Variants in ATG14 observed in about 807,000 individuals in gnomAD.
The protein encoded by ATG14 is autophagy related 14, also known as beclin 1-associated autophagy-related key regulator.
ATG14 carries 35 observed loss-of-function variants against 60.4 expected under a neutral mutation model. That is an observed-to-expected ratio of 0.58 (90% CI 0.44 to 0.77). ATG14 has a LOEUF of 0.77. Among genes scored for constraint, ATG14 ranks in the 30% least tolerant of loss-of-function variants. ATG14 has a pLI of 0.00. For synonymous variants in ATG14, 234 were observed against 228.8 expected, an observed-to-expected ratio of 1.02 and a Z score of -0.21; for missense variants, 647 against 626.3, an observed-to-expected ratio of 1.03 and a Z score of -0.35.
rs758907223 is a variant in ATG14 at position 55,395,985 on chromosome 14, G to C, written c.285-3C>G. On this transcript the variant is annotated splice_polypyrimidine_tract_variant and splice_region_variant and intron_variant, in intron 2 of 9. Transcript: ENST00000247178. ...TTCCTTCCATAGCTTTTAACACTCTGTGAGGAAAAGAGACAGAAAATAAGC... is the reference window on the plus strand; with the variant it reads ...TTCCTTCCATAGCTTTTAACACTCTCTGAGGAAAAGAGACAGAAAATAAGC... 1 of 1,580,214 alleles carries C rather than the reference G, an allele frequency of 6.3e-7. No homozygotes were observed. Among genetic ancestry groups the C allele is most frequent in the Admixed American group, 1.8e-5 (1 of 54,560 alleles).
chr14:55,381,880 T>C, intron 6 of ATG14, 82 bp downstream of exon 6: 3 of 1,225,436 alleles, frequency 2.4e-6, no homozygotes, highest in Non-Finnish European at 3.5e-6. Context: ...AATGGTTCAC[T>C]TGAAAGCTCT....
chr14:55,384,576 T>G (rs1378456871), intron 5 of ATG14, among the ~76,000 whole-genome samples: 2 of 152,234 alleles, frequency 1.3e-5, no homozygotes, highest in East Asian at 1.9e-4. Context: ...ATTTGCCAAC[T>G]CTTACTAATG....
chr14:55,404,274 A>G (rs927108931), intron 1 of ATG14, among the ~76,000 whole-genome samples: 40 of 152,176 alleles, frequency 2.6e-4, no homozygotes, highest in African/African-American at 8.7e-4. Flanking sequence ...CAATTTTACT[A>G]AAAAGACACT....
At chr14:55,370,829 C>T (rs1352636233) in intron 9 of ATG14, among the ~76,000 whole-genome samples, 4 of 151,996 alleles carry the variant, frequency 2.6e-5, no homozygotes, top group East Asian at 1.9e-4. Context: ...TTAGTAGAGA[C>T]GGGGTTTCAC....
chr14:55,403,543 C>A (rs1016565601), intron 1 of ATG14, among the ~76,000 whole-genome samples: 1 of 149,222 alleles, frequency 6.7e-6, no homozygotes, highest in African/African-American at 2.5e-5. Flanking sequence ...CATATATAAT[C>A]TTTTTTTTTT....
intron 6 of ATG14, 29 bp from the exon 7 acceptor site, chr14:55,380,719 A>G: frequency 6.8e-7 from 1 of 1,474,822 alleles, no homozygotes. Flanking sequence ...CACCATGTAC[A>G]AAACCTTAAT....
intron 1 of ATG14, among the ~76,000 whole-genome samples, chr14:55,399,240 T>C (rs1431213775): frequency 6.6e-6 from 1 of 152,232 alleles, no homozygotes; most frequent in Non-Finnish European, 1.5e-5. Context: ...GACAGAATTA[T>C]ATACTTATAA....
intron 6 of ATG14, 48 bp from the exon 7 acceptor site, chr14:55,380,738 A>G: frequency 8.0e-7 from 1 of 1,253,956 alleles, no homozygotes; most frequent in Non-Finnish European, 1.1e-6. Context: ...ATTCCAACAA[A>G]ACTACTAATA....
At chr14:55,382,951 C>A (rs957631088) in intron 5 of ATG14, among the ~76,000 whole-genome samples, 3 of 152,080 alleles carry the variant, frequency 2.0e-5, no homozygotes, top group Admixed American at 1.3e-4. Context: ...TATGAAAAAA[C>A]TTTCAAAACA....
At chr14:55,382,918 C>T (rs1885059990) in intron 5 of ATG14, among the ~76,000 whole-genome samples, 1 of 152,102 alleles carries the variant, frequency 6.6e-6, no homozygotes, top group South Asian at 2.1e-4. Context: ...TTCAAAAATA[C>T]CAATAAACCT....
At chr14:55,369,971 A>C in intron 9 of ATG14, 46 bp from the exon 10 acceptor site, 300 of 1,507,964 alleles carry the variant, frequency 2.0e-4, no homozygotes, top group Non-Finnish European at 2.5e-4. Context: ...AACCATTCTC[A>C]ACACCAGAAA....
chr14:55,399,802 T>C (rs777426450), intron 1 of ATG14, among the ~76,000 whole-genome samples: 2 of 152,176 alleles, frequency 1.3e-5, no homozygotes, highest in South Asian at 2.1e-4. Context: ...CCATAAAAGT[T>C]CTCCTTTGAG....
chr14:55,373,136 C>A lies in ATG14; in HGVS notation c.1173-3211G>T, dbSNP rs372801707. Among the ~76,000 whole-genome samples the A allele has an allele frequency of 2.6e-5, 4 of 152,296 alleles. No homozygotes were observed. In the East Asian group the frequency reaches 5.8e-4, roughly 22 times the overall value. On this transcript the variant is annotated intron_variant, in intron 9 of 9. Coordinates refer to ENST00000247178, the MANE Select transcript of ATG14 (RefSeq NM_014924.5). ...CAACCAACTAGCAAAATAATTCATC[C>A]TATTTTGCTTAATGTCTTTGGGGAA...
chr14:55,407,645 G>A lies in ATG14; in HGVS notation c.221+3957C>T, dbSNP rs187122010. Among the ~76,000 whole-genome samples, 6 of 151,576 alleles carry A rather than the reference G, an allele frequency of 4.0e-5. 1 individual carries two copies. The East Asian group carries it at 9.6e-4, about 24-fold the overall frequency. ...TAAGTTCTGCTACCTGCTGCTGCTG[G>A]GCTGGTGATCTGAAAGAACAAGACC... is the stretch of plus-strand genomic sequence containing the variant. On this transcript the variant is annotated intron_variant, in intron 1 of 9. Transcript: ENST00000247178.
At chr14:55,397,918 G>C (rs1885337784) in intron 1 of ATG14, among the ~76,000 whole-genome samples, 1 of 147,812 alleles carries the variant, frequency 6.8e-6, no homozygotes, top group Non-Finnish European at 1.5e-5. Context: ...TTATCAAAAA[G>C]AAGAGGTATC....
At chr14:55,391,337 G>C (rs768940622) in intron 3 of ATG14, 2 of 175,600 alleles carry the variant, frequency 1.1e-5, no homozygotes, top group African/African-American at 2.4e-5. Context: ...TTAGCTGGGC[G>C]TGGTGGCGCA....
At chr14:55,371,234 T>C (rs1322936075) in intron 9 of ATG14, among the ~76,000 whole-genome samples, 1 of 152,168 alleles carries the variant, frequency 6.6e-6, no homozygotes, top group Non-Finnish European at 1.5e-5. Context: ...ATCGTATAGC[T>C]TGCCATTTCA....
intron 1 of ATG14, among the ~76,000 whole-genome samples, chr14:55,400,608 A>G (rs1227740797): frequency 1.3e-5 from 2 of 152,146 alleles, no homozygotes; most frequent in African/African-American, 2.4e-5. Flanking sequence ...AATTCCTACA[A>G]ATAAAATAAA....
chr14:55,408,203 C>T (rs1435438375), intron 1 of ATG14, among the ~76,000 whole-genome samples: 3 of 151,838 alleles, frequency 2.0e-5, no homozygotes, highest in Admixed American at 6.6e-5. Flanking sequence ...CTGTAATTCC[C>T]GCACTTGGGG....
Sources: allele counts gnomAD v4.1 joint callset (sites outside exome capture counted in the v4.1 genomes callset), GRCh38; gene constraint gnomAD v4.1.1; transcripts MANE v1.5; gene names NCBI Gene and HGNC (gene_info 2026-07-23, HGNC 2026-07-21).